The following DNAH9 variants were observed in gnomAD, a reference collection of about 807,000 sequenced individuals.
DNAH9 encodes the protein dynein axonemal heavy chain 9.
In DNAH9, 345 loss-of-function variants were observed where a neutral mutation model predicts 471.6. That is an observed-to-expected ratio of 0.73 (90% CI 0.67 to 0.80). The LOEUF (loss-of-function observed/expected upper bound fraction) is 0.80. DNAH9 is among the 30% of genes least tolerant of loss of function. DNAH9 has a pLI of 0.00. For synonymous variants in DNAH9, 2,093 were observed against 2,123.6 expected (o/e 0.99, Z 0.40); for missense variants, 5,407 against 5,609.2 (o/e 0.96, Z 1.15).
At chr17:11,881,102 G>T in intron 54 of DNAH9, 107 bp from the exon 55 acceptor site, 2 of 996,198 alleles carry the variant, frequency 2.0e-6, no homozygotes, top group Non-Finnish European at 3.1e-6. Flanking sequence ...GACATAGGAG[G>T]AATCCATCTG....
In DNAH9 at chr17:11,822,109, C is replaced by T. The variant is rs761292330; in HGVS notation, c.8850+47C>T. The T allele has an allele frequency of 1.0e-5, 16 of 1,577,094 alleles. 1 individual carries two copies. Among genetic ancestry groups the T allele is most frequent in the South Asian group, 2.4e-5 (2 of 84,844 alleles). On this transcript the variant is annotated intron_variant, in intron 46 of 68. Transcript: ENST00000262442. ...GGGCAGGCAGAGACCCGAGATGATT[C>T]ATGGGAGCTTCCACTGATATTTCGG...
chr17:11,650,997 A>C (rs2073495028), intron 12 of DNAH9, 72 bp from the exon 13 acceptor site: 9 of 1,500,020 alleles, frequency 6.0e-6, no homozygotes, highest in Non-Finnish European at 6.3e-6. Flanking sequence ...GGGATTGTCC[A>C]GTCTTTGACC....
In DNAH9 at chr17:11,669,434, G is replaced by A. The variant is rs372060307; in HGVS notation, c.2993G>A (p.Arg998Lys). ...MRRTLMERVQ[R>K]MMGLCCGYQS... ...CGCACACTCATGGAGAGAGTCCAGA[G>A]AATGATGGGCCTCTGCTGTGGCTAT... The change falls in exon 17 of 69, where the codon AGA becomes AAA. Residue 998 changes from arginine to lysine, a missense_variant. Around this residue, in one of 3 missense-constraint regions of DNAH9, gnomAD observed 4,636 missense variants for 4,900.3 expected, o/e 0.95. Transcript: ENST00000262442. 9 of 1,614,026 alleles carry A rather than the reference G, an allele frequency of 5.6e-6. No individual in the cohort carries two copies. The highest frequency in any genetic ancestry group is 7.6e-6 in the Non-Finnish European group (9 of 1,180,034).
chr17:11,907,193 G>A (rs1198031202), intron 61 of DNAH9, among the ~76,000 whole-genome samples: 3 of 152,076 alleles, frequency 2.0e-5, no homozygotes, highest in East Asian at 1.9e-4. Flanking sequence ...TGTCCTGGCC[G>A]GGCACGGTGG....
intron 53 of DNAH9, 151 bp from the exon 54 acceptor site, chr17:11,879,927 A>C (rs1400087519): frequency 1.3e-6 from 1 of 798,746 alleles, no homozygotes; most frequent in Non-Finnish European, 2.0e-6. Context: ...CACTTTACAT[A>C]GGGAAGAAAT....
Position 11,942,454 on chromosome 17 carries a change from G to A in DNAH9, c.12812G>A (p.Arg4271His), listed in dbSNP as rs148946466. The A allele has an allele frequency of 3.1e-5, 50 of 1,613,970 alleles. No homozygotes were observed. In the African/African-American group the frequency reaches 4.5e-4, roughly 15 times the overall value. Residue 4271 changes from arginine to histidine, a missense_variant, in exon 67 of 69, where the codon CGC (arginine) becomes CAC (histidine). Physicochemically the swap from Arg to His is conservative, Grantham distance 29. This residue lies in a region of DNAH9 where 4,636 missense variants were observed against 4,900.3 expected (regional missense o/e 0.95). Coordinates refer to ENST00000262442, the MANE Select transcript of DNAH9 (RefSeq NM_001372.4). ...AATATCCTCACCAGAGAGATTCAGC[G>A]CTCACTGAGGGAGCTGGAGCTCGGC... ...RMNILTREIQ[R>H]SLRELELGLK...
chr17:11,833,593 A>G (rs1970742820), intron 48 of DNAH9, among the ~76,000 whole-genome samples: 2 of 152,184 alleles, frequency 1.3e-5, no homozygotes, highest in South Asian at 2.1e-4. Context: ...AATTAAGGAA[A>G]TTGTTTATTG....
intron 56 of DNAH9, among the ~76,000 whole-genome samples, chr17:11,884,912 C>G (rs1339321420): frequency 6.6e-6 from 1 of 152,058 alleles, no homozygotes; most frequent in Non-Finnish European, 1.5e-5. Context: ...TTCTCCCCAC[C>G]TCTTCATCTG....
chr17:11,607,490 C>G (rs1404746532), intron 1 of DNAH9, among the ~76,000 whole-genome samples: 4 of 152,196 alleles, frequency 2.6e-5, no homozygotes, highest in Non-Finnish European at 5.9e-5. Flanking sequence ...ATTCCACCAG[C>G]TGGCAGGGAA....
intron 8 of DNAH9, among the ~76,000 whole-genome samples, chr17:11,636,108 G>T (rs1435026819): frequency 6.6e-6 from 1 of 151,914 alleles, no homozygotes; most frequent in Non-Finnish European, 1.5e-5. Flanking sequence ...CCAGATTCAG[G>T]CAATTCCCTG....
intron 26 of DNAH9, 118 bp downstream of exon 26, chr17:11,705,303 G>A: frequency 1.2e-6 from 1 of 857,156 alleles, no homozygotes; most frequent in Non-Finnish European, 1.8e-6. Flanking sequence ...ACAGGGAAAG[G>A]GCCTGACTCA....
Position 11,861,482 on chromosome 17 carries a change from A to C in DNAH9, c.9933+7054A>C, listed in dbSNP as rs1300234867. 3.4e-4 allele frequency among the ~76,000 whole-genome samples: 52 copies of C among 152,222 alleles called. 1 individual carries two copies. In the East Asian group the frequency reaches 8.7e-3, roughly 26 times the overall value. ...CTATTGTGAATAGTGCCGCAATAAAAATACGTGTGCATATGTCTTTATAGC... is the reference window on the plus strand; with the variant it reads ...CTATTGTGAATAGTGCCGCAATAAACATACGTGTGCATATGTCTTTATAGC... On this transcript the variant is annotated intron_variant, in intron 50 of 68. Coordinates refer to ENST00000262442, the MANE Select transcript of DNAH9 (RefSeq NM_001372.4).
chr17:11,820,192 A>G (rs1339284594), intron 45 of DNAH9, among the ~76,000 whole-genome samples: 1 of 152,174 alleles, frequency 6.6e-6, no homozygotes, highest in Non-Finnish European at 1.5e-5. Context: ...TAATCAATTA[A>G]TGTACTAAAT....
chr17:11,698,182 T>TATTAATTATA (rs369729599), intron 22 of DNAH9, among the ~76,000 whole-genome samples: 18 of 120,350 alleles, frequency 1.5e-4, no homozygotes, highest in Non-Finnish European at 2.7e-4. Flanking sequence ...TAATATATTA[T>TATTAATTATA]TATATTAATA....
intron 1 of DNAH9, among the ~76,000 whole-genome samples, chr17:11,602,711 G>T (rs1401989793): frequency 6.6e-6 from 1 of 152,112 alleles, no homozygotes; most frequent in Non-Finnish European, 1.5e-5. Context: ...TGGCCTCTGG[G>T]TTCTCTGTAT....
At position 11,834,784 on chromosome 17, in the gene DNAH9, G is replaced by T. The variant is rs1597714182; in HGVS notation, c.9393G>T (p.Lys3131Asn). 4 of 1,614,164 alleles carry T rather than the reference G, an allele frequency of 2.5e-6. No homozygotes were observed. The highest frequency in any genetic ancestry group is 2.5e-6 in the Non-Finnish European group (3 of 1,180,028). ...CCATGGCAGATGAAGAGGAGCAGAA[G>T]GTGGCCGTCATCATGCTAGAGGTGA... is the stretch of plus-strand genomic sequence containing the variant. ...EKAMADEEEQ[K>N]VAVIMLEVKQ... The change falls in exon 49 of 69, where the codon AAG (lysine) becomes AAT (asparagine). Residue 3131 changes from lysine (K) to asparagine (N), a missense_variant. This residue lies in a region of DNAH9 where 4,636 missense variants were observed against 4,900.3 expected (regional missense o/e 0.95). Transcript: ENST00000262442.
chr17:11,882,241 C>T (rs1423134892), intron 55 of DNAH9, among the ~76,000 whole-genome samples: 1 of 152,222 alleles, frequency 6.6e-6, no homozygotes, highest in Non-Finnish European at 1.5e-5. Flanking sequence ...TGTGACCTCA[C>T]ATGACCTCTT....
Position 11,623,985 on chromosome 17 carries a change from G to T in DNAH9, c.1350+4204G>T, listed in dbSNP as rs888206716. On this transcript the variant is annotated intron_variant, in intron 6 of 68. Transcript: ENST00000262442. This position sits in a 1 kb window ranked among gnomAD's most constrained non-coding sequence, Gnocchi z 4.1. ...CTGCTAAATGCCAGAGGTGGGGCTG[G>T]CTTGGAAGAAGGGGTATACATTGCC... Among the ~76,000 whole-genome samples, 1 of 152,120 alleles carries T rather than the reference G, an allele frequency of 6.6e-6. No homozygotes were observed. Among genetic ancestry groups the T allele is most frequent in the African/African-American group, 2.4e-5 (1 of 41,434 alleles).
rs977175223 is a variant in DNAH9 at position 11,598,719 on chromosome 17, T to G, written c.221T>G (p.Val74Gly). The change falls in exon 1 of 69, where the codon GTG becomes GGG. Residue 74 changes from valine (V) to glycine (G), a missense_variant. Physicochemically the swap from Val to Gly is moderately radical, Grantham distance 109 (BLOSUM62 -3). Transcript: ENST00000262442. ...GAGGGGCCGCGGCCGCTGCTGGTGG[T>G]GCGGCCCGGGCCCAGGGGCCTGGCA... ...AAEGPRPLLV[V>G]RPGPRGLAIR... 68 of 1,379,702 alleles carry G rather than the reference T, an allele frequency of 4.9e-5. No individual in the cohort carries two copies. Among genetic ancestry groups the G allele is most frequent in the Non-Finnish European group, 5.8e-5 (62 of 1,073,758 alleles). 85.5% of individuals were successfully genotyped at this position (1,379,702 alleles called of 1,614,324 possible).
Sources: gnomAD v4.1 joint callset for allele counts (sites outside exome capture counted in the v4.1 genomes callset) on GRCh38, gnomAD v4.1.1 for gene constraint, gnomAD v4.1.1 regional missense constraint, Gnocchi (gnomAD v3.1) non-coding constraint, MANE v1.5 for transcripts, NCBI Gene and HGNC (gene_info 2026-07-23, HGNC 2026-07-21) for gene names.